SYT14: variants seen among roughly 807,000 people sequenced by gnomAD.
SYT14 encodes synaptotagmin-14.
In SYT14, 32 loss-of-function variants were observed where a neutral mutation model predicts 74.2. The ratio of observed to expected loss-of-function variants is 0.43; its 90% CI spans 0.33 to 0.58. SYT14 has a LOEUF of 0.58. Among genes scored for constraint, SYT14 ranks in the 20% least tolerant of loss-of-function variants. The probability of loss-of-function intolerance (pLI) is 0.05; values close to 1 mark genes in which losing one functional copy is unlikely to be tolerated. For synonymous variants in SYT14, 298 were observed against 337.7 expected (o/e 0.88, Z 1.29); for missense variants, 791 against 981.8 (o/e 0.81, Z 2.60).
chr1:210,013,619 T>C lies in SYT14; in HGVS notation c.-485-14T>C. On this transcript the variant is annotated splice_polypyrimidine_tract_variant and intron_variant, in intron 2 of 9. Transcript: ENST00000637265. ...AAAATAAATGCTTACAGCTGTGACT[T>C]TTTTTTTCTCTAGTATCTCCAGAGG... The C allele has an allele frequency of 6.2e-7, 1 of 1,608,638 alleles. No homozygotes were observed. Among genetic ancestry groups the C allele is most frequent in the Non-Finnish European group, 8.5e-7 (1 of 1,178,846 alleles).
At chr1:210,051,571 G>A (rs1319319219) in intron 5 of SYT14, among the ~76,000 whole-genome samples, 1 of 151,888 alleles carries the variant, frequency 6.6e-6, no homozygotes, top group Non-Finnish European at 1.5e-5. Context: ...TATCATTCCT[G>A]TGTTTTGTTT....
exon 10 of SYT14, chr1:210,163,030 G>A (rs1055824086): frequency 1.8e-5 from 8 of 453,442 alleles, no homozygotes; most frequent in Admixed American, 4.7e-5. Flanking sequence ...ACTTGAAGAG[G>A]GGATGTAGAT....
chr1:210,075,623 G>A (rs1036274011), intron 5 of SYT14, among the ~76,000 whole-genome samples: 3 of 152,140 alleles, frequency 2.0e-5, no homozygotes, highest in East Asian at 1.9e-4. Flanking sequence ...ATGAGCCACC[G>A]TGCCTGGCCG....
intron 5 of SYT14, among the ~76,000 whole-genome samples, chr1:210,043,388 T>G (rs1211062465): frequency 6.6e-6 from 1 of 151,730 alleles, no homozygotes; most frequent in Non-Finnish European, 1.5e-5. Context: ...CTACTCCAAC[T>G]CTCTAGTTCT....
chr1:210,083,574 A>ATT (rs1333145195), intron 5 of SYT14, among the ~76,000 whole-genome samples: 1 of 144,176 alleles, frequency 6.9e-6, no homozygotes, highest in African/African-American at 2.5e-5. Context: ...CTAATTTTCA[A>ATT]TTTTTTTTTT....
At chr1:210,107,611 C>T (rs1166640329) in intron 7 of SYT14, among the ~76,000 whole-genome samples, 4 of 152,048 alleles carry the variant, frequency 2.6e-5, no homozygotes, top group Non-Finnish European at 4.4e-5. Flanking sequence ...GACTAACCCT[C>T]TCCTATTTAA....
chr1:209,970,794 G>GC (rs1260785880), intron 2 of SYT14, among the ~76,000 whole-genome samples: 2 of 145,384 alleles, frequency 1.4e-5, no homozygotes, highest in Non-Finnish European at 3.0e-5. Flanking sequence ...CCATTCTCCT[G>GC]CCCTCAGCCT....
intron 2 of SYT14, among the ~76,000 whole-genome samples, chr1:210,006,489 G>T (rs2079990365): frequency 6.6e-6 from 1 of 151,722 alleles, no homozygotes. Flanking sequence ...TGTAAAACAG[G>T]TATATCTTTT....
At chr1:210,085,253 A>G (rs1052661218) in intron 5 of SYT14, among the ~76,000 whole-genome samples, 7 of 152,164 alleles carry the variant, frequency 4.6e-5, no homozygotes, top group African/African-American at 1.7e-4. Flanking sequence ...GAATTTGCTA[A>G]ATTTACCAAC....
chr1:210,151,504 GC>G (rs140800804), intron 7 of SYT14, among the ~76,000 whole-genome samples: 59 of 120,054 alleles, frequency 4.9e-4, no homozygotes, highest in African/African-American at 1.5e-3. Context: ...ATAGGCGAAT[GC>G]CCCCCCCCTT....
At chr1:209,944,790 G>T (rs987964654) in intron 1 of SYT14, among the ~76,000 whole-genome samples, 7 of 151,648 alleles carry the variant, frequency 4.6e-5, no homozygotes, top group African/African-American at 1.7e-4. Flanking sequence ...ATTCAAAAAA[G>T]AGGACAGGTT....
At chr1:210,013,712 T>G in exon 3 of SYT14, 1 of 1,613,166 alleles carries the variant, frequency 6.2e-7, no homozygotes, top group South Asian at 1.1e-5. Context: ...TCTATATTAA[T>G]AAGAAGTTCT....
chr1:210,015,946 G>T (rs2080174286), exon 4 of SYT14: 1 of 1,231,246 alleles, frequency 8.1e-7, no homozygotes, highest in South Asian at 4.2e-5. Context: ...CAAAGTGGTT[G>T]ATATTTTCAG....
chr1:210,091,530 A>G (rs901365052), intron 5 of SYT14, among the ~76,000 whole-genome samples: 8 of 152,110 alleles, frequency 5.3e-5, no homozygotes, highest in African/African-American at 1.7e-4. Context: ...CTCTACAAAC[A>G]GTTTTTAAAA....
intron 2 of SYT14, among the ~76,000 whole-genome samples, chr1:209,990,963 C>T (rs1225920426): frequency 6.6e-6 from 1 of 151,950 alleles, no homozygotes; most frequent in Non-Finnish European, 1.5e-5. Context: ...GAATAGAGAA[C>T]CCAGAAATAA....
At chr1:210,044,290 C>T (rs746734016) in intron 5 of SYT14, among the ~76,000 whole-genome samples, 1 of 152,082 alleles carries the variant, frequency 6.6e-6, no homozygotes, top group South Asian at 2.1e-4. Context: ...AATTCTAGTT[C>T]AAGTTGGTTT....
chr1:209,955,293 T>C (rs1451358199), intron 2 of SYT14, among the ~76,000 whole-genome samples: 1 of 152,218 alleles, frequency 6.6e-6, no homozygotes, highest in African/African-American at 2.4e-5. Context: ...ACGTTTAAAA[T>C]GCAAGTCTTG....
intron 6 of SYT14, among the ~76,000 whole-genome samples, chr1:210,094,962 G>A (rs757726722): frequency 9.9e-5 from 15 of 151,950 alleles, no homozygotes; most frequent in Non-Finnish European, 2.1e-4. Flanking sequence ...GTTACTCAAT[G>A]TTTCACAAGT....
intron 2 of SYT14, among the ~76,000 whole-genome samples, chr1:210,000,580 C>T (rs2079878687): frequency 6.7e-6 from 1 of 148,640 alleles, no homozygotes; most frequent in Non-Finnish European, 1.5e-5. Context: ...ATTATGTTCT[C>T]CTCCTACTTT....
Sources: allele counts gnomAD v4.1 joint callset (sites outside exome capture counted in the v4.1 genomes callset), GRCh38; gene constraint gnomAD v4.1.1; transcripts MANE v1.5; gene names NCBI Gene and HGNC (gene_info 2026-07-23, HGNC 2026-07-21).